The following ATP6V0A1 variants were observed in gnomAD, a reference collection of about 807,000 sequenced individuals.
ATP6V0A1 encodes V-type proton ATPase 116 kDa subunit a 1.
A neutral mutation model predicts 105.4 loss-of-function variants in ATP6V0A1; 43 were observed. The ratio of observed to expected loss-of-function variants is 0.41; its 90% confidence interval spans 0.32 to 0.53. The LOEUF (loss-of-function observed/expected upper bound fraction) is 0.53, where lower values mean the gene tolerates loss of function less well. Among genes scored for constraint, ATP6V0A1 ranks in the 20% least tolerant of loss-of-function variants. ATP6V0A1 has a pLI of 0.30. For synonymous variants in ATP6V0A1, 362 were observed against 372.8 expected (o/e 0.97, Z 0.33); for missense variants, 676 against 1,051.1 (o/e 0.64, Z 4.93).
intron 11 of ATP6V0A1, 100 bp downstream of exon 11, chr17:42,490,737 G>A: frequency 7.6e-7 from 1 of 1,319,440 alleles, no homozygotes; most frequent in Non-Finnish European, 1.0e-6. Context: ...CACCCAGGCT[G>A]GAGTGCAGCA....
chr17:42,493,521 C>T (rs1417340596), intron 11 of ATP6V0A1, among the ~76,000 whole-genome samples: 1 of 152,170 alleles, frequency 6.6e-6, no homozygotes, highest in Non-Finnish European at 1.5e-5. Flanking sequence ...AGCTGCCAGG[C>T]ACAGTGCCTC....
intron 2 of ATP6V0A1, among the ~76,000 whole-genome samples, chr17:42,465,024 G>A (rs975774430): frequency 2.6e-5 from 4 of 151,530 alleles, no homozygotes; most frequent in Non-Finnish European, 4.4e-5. Flanking sequence ...ACAGAGTCTC[G>A]CTCTGTTGCC....
intron 19 of ATP6V0A1, among the ~76,000 whole-genome samples, chr17:42,512,704 A>G (rs1486065127): frequency 6.6e-6 from 1 of 152,222 alleles, no homozygotes; most frequent in African/African-American, 2.4e-5. Context: ...TTTACCAGCC[A>G]AGCCACTTTC....
rs549288119 is a variant in ATP6V0A1, at chr17:42,499,141, A to T, written c.1679+99A>T. The T allele has an allele frequency of 2.1e-4, 190 of 893,588 alleles. 2 individuals carry two copies. In the African/African-American group the frequency reaches 2.9e-3, roughly 14 times the overall value. The allele number at this position is 893,588 out of a possible 1,614,324, so 55.4% of individuals were successfully genotyped here. A position where few individuals can be genotyped will look rare whatever the true frequency, so the allele number is the denominator to read the frequency against. ...CTTTGGGGAGGGATTAATAACTCAG[A>T]ACCTCATTCTACATTATAGAAGTGC... is the stretch of plus-strand genomic sequence containing the variant. On this transcript the variant is annotated intron_variant, in intron 15 of 21. Transcript: ENST00000343619.
intron 17 of ATP6V0A1, among the ~76,000 whole-genome samples, chr17:42,505,570 C>G (rs1256317584): frequency 6.6e-6 from 1 of 151,984 alleles, no homozygotes; most frequent in Non-Finnish European, 1.5e-5. Flanking sequence ...GAACTCCTGA[C>G]CTTGTGATCT....
intron 15 of ATP6V0A1, 49 bp downstream of exon 15, chr17:42,499,091 C>G (rs1203913009): frequency 1.5e-6 from 2 of 1,331,394 alleles, no homozygotes; most frequent in Admixed American, 3.7e-5. Context: ...TTAGAGAATG[C>G]TTTTGTGTAA....
chr17:42,470,658 C>T (rs536120783), intron 5 of ATP6V0A1: 1 of 163,478 alleles, frequency 6.1e-6, no homozygotes, highest in Admixed American at 5.9e-5. Flanking sequence ...CCTTCGAGCA[C>T]ATTTTTCAGT....
At chr17:42,475,349 G>A (rs1260451331) in intron 5 of ATP6V0A1, among the ~76,000 whole-genome samples, 1 of 152,138 alleles carries the variant, frequency 6.6e-6, no homozygotes, top group Non-Finnish European at 1.5e-5. Flanking sequence ...TCTGAATGGA[G>A]AAACCAGAGG....
intron 8 of ATP6V0A1, among the ~76,000 whole-genome samples, chr17:42,482,154 G>A (rs4796670): frequency 0.86 from 130,294 of 151,818 alleles, 56,761 homozygotes; most frequent in Non-Finnish European, 0.93. Flanking sequence ...TTTTTGTTTT[G>A]TTTTTGTTTT....
At chr17:42,492,225 C>A (rs936942034) in intron 11 of ATP6V0A1, among the ~76,000 whole-genome samples, 9 of 148,154 alleles carry the variant, frequency 6.1e-5, no homozygotes, top group Non-Finnish European at 1.0e-4. Flanking sequence ...AAAAATTAGC[C>A]GGATTTGGTG....
intron 3 of ATP6V0A1, among the ~76,000 whole-genome samples, chr17:42,467,557 T>C (rs1204830410): frequency 6.6e-6 from 1 of 152,242 alleles, no homozygotes; most frequent in African/African-American, 2.4e-5. Flanking sequence ...ACCTGATTGT[T>C]TTCAAATTTA....
In ATP6V0A1 at chr17:42,507,644, T is replaced by C. The variant is rs1351276835; in HGVS notation, c.2112+17T>C. 1 of 1,606,062 alleles carries C rather than the reference T, an allele frequency of 6.2e-7. No homozygotes were observed. The highest frequency in any genetic ancestry group is 8.5e-7 in the Non-Finnish European group (1 of 1,172,858). On this transcript the variant is annotated intron_variant, in intron 18 of 21. Transcript: ENST00000343619. The stretch of plus-strand genomic sequence containing the variant: ...GCAGACGAGGTAAGATCCCGTGGTG[T>C]GGGCTTTCTCTCCTTCCACCTCGGG...
intron 20 of ATP6V0A1, 91 bp downstream of exon 20, chr17:42,514,069 T>C (rs2092487018): frequency 7.0e-7 from 1 of 1,422,072 alleles, no homozygotes; most frequent in Non-Finnish European, 9.8e-7. Flanking sequence ...GGAAATTACA[T>C]GAAGGTTCTG....
Position 42,507,576 on chromosome 17 carries a change from T to G in ATP6V0A1, c.2061T>G (p.Ala687=). 2 of 1,613,556 alleles carry G rather than the reference T, an allele frequency of 1.2e-6. No individual in the cohort carries two copies. The highest frequency in any genetic ancestry group is 1.7e-4 in the Middle Eastern group (1 of 6,060). Residue 687 remains alanine (A), a synonymous_variant, in exon 18 of 22, where the codon GCT becomes GCG. Transcript: ENST00000343619. The stretch of plus-strand genomic sequence containing the variant: ...GCAACGGACCGACAGAGGAGGATGC[T>G]GAGATTATTCAGCATGACCAGCTCT... ...RVGNGPTEED[A]EIIQHDQLST...
rs901235882 is a variant in ATP6V0A1 at position 42,502,498 on chromosome 17, A to G, written c.2004+1194A>G. 1.4e-3 allele frequency among the ~76,000 whole-genome samples: 210 copies of G among 150,114 alleles called. 1 individual carries two copies. The highest frequency in any genetic ancestry group is 6.9e-3 in the Middle Eastern group (2 of 290). On this transcript the variant is annotated intron_variant, in intron 17 of 21. Transcript: ENST00000343619. ...GTGTGTATATGAATTCTGCGCGCGC[A>G]CACACACACACACACACAGAGTTAA...
Position 42,470,518 on chromosome 17 carries a change from AG to A in ATP6V0A1, c.423+302del. ...TTTTTACATTATATTTATACTTATA[AG>A]GTAAGTATATGCTTAAGGTTAAAGC... On this transcript the variant is annotated intron_variant, in intron 5 of 21. Coordinates refer to ENST00000343619, the MANE Select transcript of ATP6V0A1 (RefSeq NM_001130021.3). 9 of 258,070 alleles carry A rather than the reference AG, an allele frequency of 3.5e-5. No homozygotes were observed. In the South Asian group the frequency reaches 4.0e-4, roughly 11 times the overall value. 16.0% of individuals were successfully genotyped at this position (258,070 alleles called of 1,614,324 possible). A position where few individuals can be genotyped will look rare whatever the true frequency, so the allele number is the denominator to read the frequency against.
intron 19 of ATP6V0A1, chr17:42,511,205 G>A (rs1044529418): frequency 3.9e-5 from 6 of 152,304 alleles, no homozygotes; most frequent in African/African-American, 1.2e-4. Context: ...AAGATGCAAG[G>A]GCTGAAGCTG....
rs2092105448 is a variant in ATP6V0A1, at chr17:42,507,571, G to T, written c.2056G>T (p.Asp686Tyr). ...IRVGNGPTEE[D>Y]AEIIQHDQLS... ...GGTGGGCAACGGACCGACAGAGGAG[G>T]ATGCTGAGATTATTCAGCATGACCA... The change falls in exon 18 of 22, where the codon GAT becomes TAT. Residue 686 changes from aspartate to tyrosine, a missense_variant. Asp to Tyr is a radical substitution (Grantham distance 160). Around this residue, in one of 3 missense-constraint regions of ATP6V0A1, gnomAD observed 435 missense variants for 642.2 expected, o/e 0.68. Transcript: ENST00000343619. 1 of 1,613,694 alleles carries T rather than the reference G, an allele frequency of 6.2e-7. No individual in the cohort carries two copies. Among genetic ancestry groups the T allele is most frequent in the South Asian group, 1.1e-5 (1 of 91,076 alleles).
intron 5 of ATP6V0A1, among the ~76,000 whole-genome samples, chr17:42,472,486 A>G (rs963675383): frequency 1.3e-5 from 2 of 151,934 alleles, no homozygotes; most frequent in Non-Finnish European, 2.9e-5. Context: ...GCACTTTGGG[A>G]GGCCGAGGCA....
Sources: allele counts gnomAD v4.1 joint callset (sites outside exome capture counted in the v4.1 genomes callset), GRCh38; gene constraint gnomAD v4.1.1; regional missense constraint gnomAD v4.1.1; transcripts MANE v1.5; gene names NCBI Gene and HGNC (gene_info 2026-07-23, HGNC 2026-07-21).